The following PKHD1 variants were observed in gnomAD, a reference collection of about 807,000 sequenced individuals.
PKHD1 encodes the protein fibrocystin.
Under a neutral mutation model 412.0 loss-of-function variants are expected in PKHD1, and 291 were observed. The observed-to-expected ratio is 0.71, with a 90% CI of 0.64 to 0.78. The LOEUF is 0.78. Ranked by LOEUF, PKHD1 falls within the 30% of genes least tolerant of loss-of-function variation. The pLI is 0.00. For synonymous variants in PKHD1, 1,777 were observed against 1,821.5 expected (o/e 0.98, Z 0.62); for missense variants, 4,825 against 4,950.7 (o/e 0.97, Z 0.76).
chr6:51,964,583 C>A (rs549271076), intron 35 of PKHD1, among the ~76,000 whole-genome samples: 1 of 152,152 alleles, frequency 6.6e-6, no homozygotes, highest in South Asian at 2.1e-4. Context: ...CTGCTGTATC[C>A]CTAGAACCTA....
chr6:51,838,236 T>C (rs1413813394), intron 50 of PKHD1, among the ~76,000 whole-genome samples: 1 of 152,208 alleles, frequency 6.6e-6, no homozygotes, highest in Non-Finnish European at 1.5e-5. Flanking sequence ...AGCTTTGTCT[T>C]CAAATTTTTG....
rs1235546368 is a variant in PKHD1 at position 51,659,183 on chromosome 6, C to T, written c.10943G>A (p.Arg3648Lys). Residue 3648 changes from arginine (R) to lysine (K), a missense_variant, in exon 61 of 67, where the codon AGG becomes AAG. By Grantham distance (26) the Arg-to-Lys change is conservative. Transcript: ENST00000371117. ...TTCCACAGTCATTGGGGGTGAAGCC[C>T]TATGTGAGTTCATTTCCATCATGAG... ...RPLMMEMNSH[R>K]ASPPMTVETI... is the part of the protein sequence containing the mutation. The T allele has an allele frequency of 6.2e-7, 1 of 1,613,718 alleles. No individual in the cohort carries two copies. Among genetic ancestry groups the T allele is most frequent in the Non-Finnish European group, 8.5e-7 (1 of 1,179,812 alleles).
At chr6:51,908,081 T>C (rs2127645161) in intron 40 of PKHD1, among the ~76,000 whole-genome samples, 1 of 152,210 alleles carries the variant, frequency 6.6e-6, no homozygotes, top group Non-Finnish European at 1.5e-5. Flanking sequence ...TCTGCAGTAC[T>C]ATATACAGCT....
intron 53 of PKHD1, among the ~76,000 whole-genome samples, chr6:51,789,509 T>C (rs1010482733): frequency 6.6e-6 from 1 of 152,130 alleles, no homozygotes; most frequent in Non-Finnish European, 1.5e-5. Context: ...ACATTGTTTA[T>C]ACAGGATCAA....
At chr6:51,947,854 T>G (rs1178204485) in intron 36 of PKHD1, among the ~76,000 whole-genome samples, 1 of 152,134 alleles carries the variant, frequency 6.6e-6, no homozygotes, top group East Asian at 1.9e-4. Flanking sequence ...TCAACATCTC[T>G]ACTTGGATGT....
chr6:51,916,007 A>G (rs560641871), intron 37 of PKHD1, among the ~76,000 whole-genome samples: 3 of 152,104 alleles, frequency 2.0e-5, no homozygotes, highest in African/African-American at 7.2e-5. Context: ...GGAGACTTCA[A>G]TTACATAAAC....
chr6:51,923,439 G>T (rs1345522226), intron 37 of PKHD1, among the ~76,000 whole-genome samples: 1 of 151,128 alleles, frequency 6.6e-6, no homozygotes, highest in South Asian at 2.1e-4. Flanking sequence ...GTGTATAAAA[G>T]CAAGGAATGG....
chr6:51,866,474 A>G (rs1775079998), intron 48 of PKHD1, among the ~76,000 whole-genome samples: 1 of 152,080 alleles, frequency 6.6e-6, no homozygotes, highest in South Asian at 2.1e-4. Flanking sequence ...CAAGTACCTT[A>G]ATATCCTGTC....
At chr6:51,707,771 G>A (rs207466957) in intron 60 of PKHD1, among the ~76,000 whole-genome samples, 1 of 152,064 alleles carries the variant, frequency 6.6e-6, no homozygotes, top group Non-Finnish European at 1.5e-5. Flanking sequence ...TTCTTCTCAG[G>A]ACTCATTTTT....
rs527432426 is a variant in PKHD1, at chr6:52,063,042, TC to T, written c.977-383del. On this transcript the variant is annotated intron_variant, in intron 13 of 66. Coordinates refer to ENST00000371117, the MANE Select transcript of PKHD1 (RefSeq NM_138694.4). The stretch of plus-strand genomic sequence containing the variant: ...CCAAAGCCAGAAGTGGGCTTCAGTA[TC>T]TTTTAAGTCCCAGTTCTGCTGTGAA... Among the ~76,000 whole-genome samples the T allele has an allele frequency of 9.9e-5, 15 of 152,254 alleles. No individual in the cohort carries two copies. In the East Asian group the frequency reaches 2.7e-3, roughly 27 times the overall value.
At chr6:51,797,062 C>T (rs1459544475) in intron 52 of PKHD1, among the ~76,000 whole-genome samples, 1 of 152,244 alleles carries the variant, frequency 6.6e-6, no homozygotes, top group East Asian at 1.9e-4. Flanking sequence ...AATCCACCCA[C>T]CTCAGCCTCC....
chr6:51,815,654 T>C (rs1765340944), intron 52 of PKHD1, among the ~76,000 whole-genome samples: 1 of 152,038 alleles, frequency 6.6e-6, no homozygotes, highest in Admixed American at 6.6e-5. Flanking sequence ...GGCTCTGCAG[T>C]CCAAACAAAT....
chr6:51,851,795 CTCT>C (rs774700130), intron 49 of PKHD1, among the ~76,000 whole-genome samples: 9 of 151,168 alleles, frequency 6.0e-5, no homozygotes, highest in Non-Finnish European at 1.3e-4. Context: ...TGACTCTTTT[CTCT>C]TCTTTGTTAA....
At chr6:51,654,648 A>AC (rs1387580735) in intron 61 of PKHD1, among the ~76,000 whole-genome samples, 1 of 151,820 alleles carries the variant, frequency 6.6e-6, no homozygotes, top group Non-Finnish European at 1.5e-5. Flanking sequence ...AATAGCAAAA[A>AC]AAAAAATACA....
intron 54 of PKHD1, among the ~76,000 whole-genome samples, chr6:51,773,357 T>C (rs947218699): frequency 2.0e-5 from 3 of 151,980 alleles, no homozygotes; most frequent in Non-Finnish European, 4.4e-5. Flanking sequence ...ATGTGCTTGA[T>C]ACAGCTCAGT....
At chr6:51,974,753 G>C (rs1052535677) in intron 35 of PKHD1, among the ~76,000 whole-genome samples, 3 of 152,152 alleles carry the variant, frequency 2.0e-5, no homozygotes, top group African/African-American at 7.2e-5. Flanking sequence ...ATTGGGTACA[G>C]TGCACACTGT....
At chr6:51,949,384 G>A (rs535028078) in intron 36 of PKHD1, among the ~76,000 whole-genome samples, 1 of 152,290 alleles carries the variant, frequency 6.6e-6, no homozygotes, top group African/African-American at 2.4e-5. Flanking sequence ...TGAGTGATCT[G>A]GGCAGAGTTG....
intron 60 of PKHD1, among the ~76,000 whole-genome samples, chr6:51,724,876 T>C (rs1782377182): frequency 2.0e-5 from 3 of 152,154 alleles, no homozygotes; most frequent in Admixed American, 2.0e-4. Context: ...ATTAAAGTGA[T>C]GCAGTGACCA....
At chr6:51,653,982 G>A (rs1395984526) in intron 61 of PKHD1, among the ~76,000 whole-genome samples, 1 of 152,118 alleles carries the variant, frequency 6.6e-6, no homozygotes, top group Non-Finnish European at 1.5e-5. Context: ...AGCTGTAGCA[G>A]TCATAAGTCT....
Sources: allele counts gnomAD v4.1 joint callset (sites outside exome capture counted in the v4.1 genomes callset), GRCh38; gene constraint gnomAD v4.1.1; transcripts MANE v1.5; gene names NCBI Gene and HGNC (gene_info 2026-07-23, HGNC 2026-07-21).